Variants in AGBL4 observed in about 807,000 individuals in gnomAD.
AGBL4 encodes the protein AGBL carboxypeptidase 4.
AGBL4 carries 58 observed loss-of-function variants against 66.4 expected under a neutral mutation model. The observed-to-expected ratio is 0.87, with a 90% CI of 0.71 to 1.09. The LOEUF (loss-of-function observed/expected upper bound fraction) is 1.09. AGBL4 is among the 50% of genes least tolerant of loss of function. AGBL4 has a pLI of 0.00. For missense variants in AGBL4, 579 were observed against 631.0 expected (o/e 0.92, Z 0.88); for synonymous variants, 234 against 222.9 (o/e 1.05, Z -0.44).
intron 5 of AGBL4, among the ~76,000 whole-genome samples, chr1:49,014,033 T>C (rs1174495877): frequency 6.6e-6 from 1 of 152,212 alleles, no homozygotes; most frequent in Non-Finnish European, 1.5e-5. Context: ...ATATTAGGAA[T>C]GTTAAAAGTC....
intron 3 of AGBL4, among the ~76,000 whole-genome samples, chr1:49,507,204 T>C (rs1648772511): frequency 6.6e-6 from 1 of 151,964 alleles, no homozygotes; most frequent in Non-Finnish European, 1.5e-5. Flanking sequence ...ATCTTAGCCA[T>C]ACCAGCATCC....
intron 3 of AGBL4, among the ~76,000 whole-genome samples, chr1:49,495,546 C>G (rs995262184): frequency 3.1e-5 from 4 of 131,086 alleles, no homozygotes; most frequent in African/African-American, 1.1e-4. Flanking sequence ...TCAGAAGGAA[C>G]AAAAAAAAAA....
chr1:48,557,098 G>GT (rs1286640643), intron 11 of AGBL4, among the ~76,000 whole-genome samples: 5 of 152,158 alleles, frequency 3.3e-5, no homozygotes, highest in South Asian at 2.1e-4. Flanking sequence ...CCAAATATCT[G>GT]TTTTTTTCAC....
chr1:49,357,768 A>T (rs1005130422), intron 3 of AGBL4, among the ~76,000 whole-genome samples: 1 of 152,222 alleles, frequency 6.6e-6, no homozygotes, highest in Non-Finnish European at 1.5e-5. Flanking sequence ...GTATTCGTGA[A>T]AAATAAGGAG....
At chr1:49,787,032 G>A (rs1644470633) in intron 2 of AGBL4, among the ~76,000 whole-genome samples, 2 of 152,096 alleles carry the variant, frequency 1.3e-5, no homozygotes, top group Non-Finnish European at 2.9e-5. Context: ...CTTCAATACT[G>A]TACAAGATTC....
chr1:48,591,439 T>C (rs1008098354), intron 9 of AGBL4, among the ~76,000 whole-genome samples: 5 of 152,212 alleles, frequency 3.3e-5, no homozygotes, highest in African/African-American at 7.2e-5. Context: ...TTGCCCCAAC[T>C]TGGCCATTTC....
At chr1:49,645,683 T>C (rs944664652) in intron 3 of AGBL4, among the ~76,000 whole-genome samples, 1 of 148,790 alleles carries the variant, frequency 6.7e-6, no homozygotes, top group Non-Finnish European at 1.5e-5. Flanking sequence ...AGATTCTGAA[T>C]ACAATGTTAT....
intron 3 of AGBL4, among the ~76,000 whole-genome samples, chr1:49,319,080 T>C (rs1241646928): frequency 1.3e-5 from 2 of 152,198 alleles, no homozygotes; most frequent in South Asian, 2.1e-4. Context: ...CTAAAGTTTT[T>C]ATTTATGAAA....
chr1:49,468,272 A>T (rs1646670148), intron 3 of AGBL4, among the ~76,000 whole-genome samples: 1 of 151,808 alleles, frequency 6.6e-6, no homozygotes, highest in Non-Finnish European at 1.5e-5. Flanking sequence ...TTTAATATGA[A>T]ATACTGAACT....
At chr1:49,364,264 C>T (rs902733111) in intron 3 of AGBL4, among the ~76,000 whole-genome samples, 4 of 152,092 alleles carry the variant, frequency 2.6e-5, no homozygotes, top group Non-Finnish European at 5.9e-5. Flanking sequence ...TAGTATAGGG[C>T]TAAGGGACAT....
chr1:49,515,466 G>T (rs1342605382), intron 3 of AGBL4, among the ~76,000 whole-genome samples: 1 of 152,098 alleles, frequency 6.6e-6, no homozygotes, highest in Non-Finnish European at 1.5e-5. Context: ...CAACAATTGT[G>T]GAAGTTAGTG....
At chr1:48,566,234 G>C (rs1021724506) in intron 11 of AGBL4, among the ~76,000 whole-genome samples, 67 of 152,128 alleles carry the variant, frequency 4.4e-4, no homozygotes, top group Non-Finnish European at 1.2e-4. Context: ...CACATGCTCA[G>C]TTCTGTCACC....
rs368549375 is a variant in AGBL4, at chr1:49,008,286, C to T, written c.594+37298G>A. 4.8e-3 allele frequency among the ~76,000 whole-genome samples: 722 copies of T among 151,710 alleles called. 5 individuals carry two copies. The highest frequency in any genetic ancestry group is 6.2e-3 in the Non-Finnish European group (422 of 67,854). On this transcript the variant is annotated intron_variant, in intron 5 of 13. Transcript: ENST00000371839. Reference sequence around the variant, plus strand: ...AGATCAAAAGAGACAAAGAAGGCCACTACATAATGGTAAAGGGATCAATTC... The same window carrying T: ...AGATCAAAAGAGACAAAGAAGGCCATTACATAATGGTAAAGGGATCAATTC...
intron 3 of AGBL4, among the ~76,000 whole-genome samples, chr1:49,633,247 T>C (rs1324006582): frequency 1.3e-5 from 2 of 152,122 alleles, no homozygotes; most frequent in East Asian, 3.9e-4. Context: ...CAGATACATT[T>C]TGGAACTTAT....
intron 4 of AGBL4, among the ~76,000 whole-genome samples, chr1:49,054,116 C>A (rs978074573): frequency 5.9e-5 from 9 of 152,052 alleles, no homozygotes; most frequent in African/African-American, 2.2e-4. Flanking sequence ...ATTTACATGA[C>A]TATTTTAAAA....
intron 3 of AGBL4, among the ~76,000 whole-genome samples, chr1:49,510,902 G>A (rs1224622495): frequency 2.0e-5 from 3 of 149,210 alleles, no homozygotes; most frequent in South Asian, 2.2e-4. Context: ...GTAGATATGC[G>A]GCGTTATTTC....
At chr1:49,879,404 T>A (rs1180652074) in intron 1 of AGBL4, among the ~76,000 whole-genome samples, 8 of 149,618 alleles carry the variant, frequency 5.3e-5, no homozygotes, top group African/African-American at 9.8e-5. Context: ...GTATTTTATT[T>A]CTCCTTCACT....
chr1:49,003,994 T>C (rs545411367), intron 5 of AGBL4, among the ~76,000 whole-genome samples: 2 of 152,280 alleles, frequency 1.3e-5, no homozygotes, highest in East Asian at 3.9e-4. Flanking sequence ...AATTCCAGAC[T>C]CTCCGAATAG....
chr1:49,085,799 C>A (rs1183928511), intron 4 of AGBL4, among the ~76,000 whole-genome samples: 7 of 152,094 alleles, frequency 4.6e-5, no homozygotes, highest in Non-Finnish European at 1.0e-4. Context: ...AAATGGGAGA[C>A]CCTCTCTAGC....
Sources: gnomAD v4.1 joint callset for allele counts (sites outside exome capture counted in the v4.1 genomes callset) on GRCh38, gnomAD v4.1.1 for gene constraint, MANE v1.5 for transcripts, NCBI Gene and HGNC (gene_info 2026-07-23, HGNC 2026-07-21) for gene names.